The following SAMD5 variants were observed in gnomAD, a reference collection of about 807,000 sequenced individuals.
SAMD5 encodes the protein sterile alpha motif domain containing 5, also known as sterile alpha motif domain-containing protein 5.
SAMD5 carries 13 observed loss-of-function variants against 11.3 expected under a neutral mutation model. The observed-to-expected ratio is 1.15, with a 90% CI of 0.75 to 1.83. The LOEUF (loss-of-function observed/expected upper bound fraction) is 1.83. Ranked by LOEUF, SAMD5 falls within the 40% of genes most tolerant of loss-of-function variation. The pLI, the probability that SAMD5 is intolerant of heterozygous loss-of-function variation, is 0.00. For synonymous variants in SAMD5, 129 were observed against 111.3 expected (o/e 1.16, Z -1.00); for missense variants, 255 against 239.1 (o/e 1.07, Z -0.44).
chr6:147,691,787 A>G (rs1791107051), intron 1 of SAMD5, among the ~76,000 whole-genome samples: 1 of 152,222 alleles, frequency 6.6e-6, no homozygotes. Flanking sequence ...CTGTTCAGAA[A>G]TCAAGGCCAA....
rs1789017721 is a variant in SAMD5 at position 147,565,266 on chromosome 6, C to G, written c.*810C>G. The G allele has an allele frequency of 1.0e-6, 1 of 985,868 alleles. No homozygotes were observed. The highest frequency in any genetic ancestry group is 5.2e-4 in the Middle Eastern group (1 of 1,914). 61.1% of individuals were successfully genotyped at this position (985,868 alleles called of 1,614,324 possible). A position where few individuals can be genotyped will look rare whatever the true frequency, so the allele number is the denominator to read the frequency against. The stretch of plus-strand genomic sequence containing the variant: ...TCACAGCCTGTTCTGAGCTGCAGTG[C>G]TTTATCCCACCTTGCTCTCCAGGCT... On this transcript the variant is annotated 3_prime_UTR_variant, in exon 2 of 2. Coordinates refer to ENST00000367474, the MANE Select transcript of SAMD5 (RefSeq NM_001030060.3).
chr6:147,922,063 T>C, the SAMD5 span, among the ~76,000 whole-genome samples: 3 of 152,218 alleles, frequency 2.0e-5, no homozygotes, highest in African/African-American at 7.2e-5. Flanking sequence ...TCTTTTTTGC[T>C]TTAGATACAG....
At chr6:147,620,978 G>GTGTA (rs1789952378) in intron 1 of SAMD5, among the ~76,000 whole-genome samples, 1 of 118,280 alleles carries the variant, frequency 8.5e-6, no homozygotes, top group African/African-American at 2.7e-5. Context: ...GTGTGTGTGT[G>GTGTA]TGTGTGTGTG....
downstream of SAMD5, among the ~76,000 whole-genome samples, chr6:147,740,974 A>G (rs1791871489): frequency 6.6e-6 from 1 of 152,176 alleles, no homozygotes; most frequent in South Asian, 2.1e-4. Context: ...GGGATTCAAA[A>G]TTGACTGTGT....
At chr6:147,825,729 A>G in the SAMD5 span, among the ~76,000 whole-genome samples, 1 of 152,364 alleles carries the variant, frequency 6.6e-6, no homozygotes, top group Non-Finnish European at 1.5e-5. Context: ...TTAAAATCCC[A>G]TAATTTTTGT....
chr6:147,824,702 GGA>G, the SAMD5 span, among the ~76,000 whole-genome samples: 2 of 152,150 alleles, frequency 1.3e-5, no homozygotes, highest in African/African-American at 4.8e-5. Context: ...AAAATTTAAT[GGA>G]GAGAGTTCAT....
At chr6:147,816,228 C>T in the SAMD5 span, among the ~76,000 whole-genome samples, 2 of 135,588 alleles carry the variant, frequency 1.5e-5, no homozygotes, top group African/African-American at 2.8e-5. Context: ...TGCTGTGAGC[C>T]GAGATTGTGC....
chr6:147,647,943 A>G (rs892630268), intron 1 of SAMD5, among the ~76,000 whole-genome samples: 1 of 152,204 alleles, frequency 6.6e-6, no homozygotes, highest in African/African-American at 2.4e-5. Flanking sequence ...GGACCACTAC[A>G]AGAGATTAAG....
At chr6:147,816,519 A>G in the SAMD5 span, among the ~76,000 whole-genome samples, 1 of 151,670 alleles carries the variant, frequency 6.6e-6, no homozygotes, top group East Asian at 1.9e-4. Context: ...ATGTAATATT[A>G]TCACATACAA....
intron 1 of SAMD5, among the ~76,000 whole-genome samples, chr6:147,622,695 C>T (rs1789988821): frequency 6.6e-6 from 1 of 152,154 alleles, no homozygotes; most frequent in Non-Finnish European, 1.5e-5. Context: ...GCCAGCTGCA[C>T]CTCTGGTTCA....
At chr6:147,896,842 A>C in the SAMD5 span, among the ~76,000 whole-genome samples, 1 of 151,978 alleles carries the variant, frequency 6.6e-6, no homozygotes, top group Admixed American at 6.5e-5. Context: ...TCATAGCACC[A>C]ATATTGAAGT....
intron 1 of SAMD5, among the ~76,000 whole-genome samples, chr6:147,650,064 A>G (rs553974670): frequency 1.4e-4 from 21 of 152,360 alleles, no homozygotes; most frequent in African/African-American, 3.6e-4. Context: ...ACAGATGTGT[A>G]CCTGAACTGT....
At chr6:147,856,823 G>GC in the SAMD5 span, among the ~76,000 whole-genome samples, 4 of 53,588 alleles carry the variant, frequency 7.5e-5, no homozygotes, top group Non-Finnish European at 1.3e-4. Context: ...TGGGGGCGCG[G>GC]GGGGGGGGGG....
chr6:147,640,562 T>C (rs185109363), intron 1 of SAMD5, among the ~76,000 whole-genome samples: 1 of 137,220 alleles, frequency 7.3e-6, no homozygotes, highest in African/African-American at 2.6e-5. Flanking sequence ...CTGCAAAATC[T>C]AGTCAAGATT....
chr6:147,685,668 A>G (rs561916201), intron 1 of SAMD5, among the ~76,000 whole-genome samples: 1 of 152,194 alleles, frequency 6.6e-6, no homozygotes, highest in Admixed American at 6.5e-5. Flanking sequence ...AATTTTATTT[A>G]TGTTAAATTT....
the SAMD5 span, among the ~76,000 whole-genome samples, chr6:147,815,309 A>G: frequency 2.6e-5 from 4 of 152,222 alleles, no homozygotes; most frequent in African/African-American, 7.2e-5. Flanking sequence ...TGCACATTCT[A>G]TGTGCCAGGC....
At chr6:147,535,193 G>A (rs151170925) in intron 1 of SAMD5, among the ~76,000 whole-genome samples, 51 of 152,334 alleles carry the variant, frequency 3.3e-4, no homozygotes, top group African/African-American at 1.2e-3. Context: ...GGGAATGGGA[G>A]TGAACCCCAA....
chr6:147,579,722 G>T (rs1012417374), intron 1 of SAMD5, among the ~76,000 whole-genome samples: 2 of 152,136 alleles, frequency 1.3e-5, no homozygotes. Context: ...CTCCAAAAGT[G>T]CTGGGATTAC....
chr6:147,595,223 G>A (rs769163391), intron 1 of SAMD5, among the ~76,000 whole-genome samples: 1 of 152,168 alleles, frequency 6.6e-6, no homozygotes, highest in African/African-American at 2.4e-5. Context: ...CACAAATTAT[G>A]AGATCTATTT....
Sources: allele counts gnomAD v4.1 joint callset (sites outside exome capture counted in the v4.1 genomes callset), GRCh38; gene constraint gnomAD v4.1.1; transcripts MANE v1.5; gene names NCBI Gene and HGNC (gene_info 2026-07-23, HGNC 2026-07-21).